The following ZBTB7C variants were observed in gnomAD, a reference collection of about 807,000 sequenced individuals.
ZBTB7C encodes the protein zinc finger and BTB domain containing 7C.
A neutral mutation model predicts 25.7 loss-of-function variants in ZBTB7C; 8 were observed. The observed-to-expected ratio is 0.31, with a 90% CI of 0.18 to 0.56. ZBTB7C has a LOEUF of 0.56. Ranked by LOEUF, ZBTB7C falls within the 20% of genes least tolerant of loss-of-function variation. The pLI is 0.91. For missense variants in ZBTB7C, 824 were observed against 855.2 expected, an observed-to-expected ratio of 0.96 and a Z score of 0.46; for synonymous variants, 394 against 369.0, an observed-to-expected ratio of 1.07 and a Z score of -0.78.
chr18:48,210,822 A>G (rs1488707019), intron 2 of ZBTB7C, among the ~76,000 whole-genome samples: 1 of 152,160 alleles, frequency 6.6e-6, no homozygotes, highest in Admixed American at 6.5e-5. Context: ...TAAATTATAT[A>G]TCAATTAAAC....
chr18:48,158,292 A>C (rs536161451), intron 3 of ZBTB7C, among the ~76,000 whole-genome samples: 4 of 152,176 alleles, frequency 2.6e-5, no homozygotes, highest in Non-Finnish European at 5.9e-5. Flanking sequence ...GATGTCAGGG[A>C]AACAAGTTAC....
At chr18:48,333,015 T>C (rs1447130196) in intron 2 of ZBTB7C, among the ~76,000 whole-genome samples, 1 of 152,200 alleles carries the variant, frequency 6.6e-6, no homozygotes, top group African/African-American at 2.4e-5. Flanking sequence ...TAGAATTGAT[T>C]GTGGTTTTCA....
At chr18:48,336,318 C>G (rs765691500) in intron 2 of ZBTB7C, among the ~76,000 whole-genome samples, 13 of 152,198 alleles carry the variant, frequency 8.5e-5, no homozygotes, top group Non-Finnish European at 1.6e-4. Context: ...CTGGCTCTCA[C>G]CCCCCACCAG....
chr18:48,310,700 C>T (rs1367161822), intron 2 of ZBTB7C, among the ~76,000 whole-genome samples: 1 of 152,222 alleles, frequency 6.6e-6, no homozygotes, highest in African/African-American at 2.4e-5. Context: ...AGTGCATCTG[C>T]CTCAAAGCTC....
At chr18:48,380,342 T>C (rs2047607545) in intron 1 of ZBTB7C, among the ~76,000 whole-genome samples, 1 of 152,084 alleles carries the variant, frequency 6.6e-6, no homozygotes, top group Non-Finnish European at 1.5e-5. Context: ...ATTAAATAAA[T>C]GGATGGCAGA....
At chr18:48,332,590 T>C (rs1311695806) in intron 2 of ZBTB7C, among the ~76,000 whole-genome samples, 1 of 151,980 alleles carries the variant, frequency 6.6e-6, no homozygotes, top group African/African-American at 2.4e-5. Context: ...TCATGGAAGA[T>C]GCTCTCCTAC....
intron 3 of ZBTB7C, among the ~76,000 whole-genome samples, chr18:48,133,167 G>C (rs577030155): frequency 4.3e-4 from 66 of 152,306 alleles, no homozygotes; most frequent in African/African-American, 1.5e-3. Flanking sequence ...TGTGTTCCAT[G>C]CACACACAAG....
intron 3 of ZBTB7C, among the ~76,000 whole-genome samples, chr18:48,095,310 A>T (rs967303050): frequency 6.6e-6 from 1 of 152,192 alleles, no homozygotes; most frequent in African/African-American, 2.4e-5. Context: ...GACCTAAACT[A>T]TCCTTCAAGC....
intron 3 of ZBTB7C, among the ~76,000 whole-genome samples, chr18:48,129,705 A>G (rs551353254): frequency 1.3e-5 from 2 of 152,326 alleles, no homozygotes; most frequent in South Asian, 4.1e-4. Context: ...CCTGGCCTCA[A>G]GTTTCCTCAC....
At chr18:48,153,818 G>A (rs1274637914) in intron 3 of ZBTB7C, among the ~76,000 whole-genome samples, 8 of 152,298 alleles carry the variant, frequency 5.3e-5, no homozygotes. Flanking sequence ...TGACAGGTTC[G>A]AGTAAATATG....
chr18:48,327,221 G>A (rs542454689), intron 2 of ZBTB7C, among the ~76,000 whole-genome samples: 4 of 152,224 alleles, frequency 2.6e-5, no homozygotes, highest in Admixed American at 1.3e-4. Context: ...AGTTCCACTC[G>A]AGGCCTGCCC....
At chr18:48,085,992 G>T (rs1311399407) in intron 3 of ZBTB7C, among the ~76,000 whole-genome samples, 2 of 152,200 alleles carry the variant, frequency 1.3e-5, no homozygotes, top group Non-Finnish European at 2.9e-5. Context: ...CTCTCCCTGA[G>T]CTGGCTTACT....
At position 48,040,119 on chromosome 18, in the gene ZBTB7C, T is replaced by C; in HGVS notation, c.989A>G (p.Asp330Gly). ...CAGGAAGTTGAGATAGGCACCGTAG[T>C]CGTTCTCCGCCTTGATGGGTCCCAG... ...GPLGPIKAEN[D>G]YGAYLNFLSA... Residue 330 changes from aspartate to glycine, a missense_variant, in exon 4 of 5, where the codon GAC becomes GGC. Around this residue, in one of 4 missense-constraint regions of ZBTB7C, gnomAD observed 316 missense variants for 299.2 expected, o/e 1.06. Coordinates refer to ENST00000590800, the MANE Select transcript of ZBTB7C (RefSeq NM_001318841.2). 1 of 1,598,988 alleles carries C rather than the reference T, an allele frequency of 6.3e-7. No homozygotes were observed. The highest frequency in any genetic ancestry group is 8.5e-7 in the Non-Finnish European group (1 of 1,172,552).
chr18:48,244,960 A>G (rs2043632609), intron 2 of ZBTB7C, among the ~76,000 whole-genome samples: 2 of 152,012 alleles, frequency 1.3e-5, no homozygotes, highest in African/African-American at 4.8e-5. Context: ...ACTCAGAGGA[A>G]AAGAAGTCAT....
At chr18:48,292,071 G>A (rs1257506415) in intron 2 of ZBTB7C, among the ~76,000 whole-genome samples, 13 of 152,020 alleles carry the variant, frequency 8.6e-5, no homozygotes, top group Admixed American at 1.3e-4. Flanking sequence ...GGTGGTGGGT[G>A]CCTGTAATTC....
intron 3 of ZBTB7C, among the ~76,000 whole-genome samples, chr18:48,128,992 G>C (rs1200285428): frequency 6.6e-6 from 1 of 152,080 alleles, no homozygotes; most frequent in Non-Finnish European, 1.5e-5. Context: ...CAAAGAACTG[G>C]ATTTTCCTAA....
intron 3 of ZBTB7C, among the ~76,000 whole-genome samples, chr18:48,087,227 T>C (rs1476929473): frequency 6.6e-6 from 1 of 152,222 alleles, no homozygotes; most frequent in Non-Finnish European, 1.5e-5. Flanking sequence ...AAGGAGGGCA[T>C]CTGAATTCTA....
intron 2 of ZBTB7C, among the ~76,000 whole-genome samples, chr18:48,277,387 C>T (rs1432069189): frequency 6.6e-6 from 1 of 151,580 alleles, no homozygotes; most frequent in Non-Finnish European, 1.5e-5. Flanking sequence ...CCAAAAAACA[C>T]ATGAAAAAAT....
At chr18:48,347,031 C>T (rs2046747137) in intron 1 of ZBTB7C, among the ~76,000 whole-genome samples, 1 of 152,152 alleles carries the variant, frequency 6.6e-6, no homozygotes, top group African/African-American at 2.4e-5. Flanking sequence ...GATCCACAAG[C>T]CTCAGCCTCC....
Sources: gnomAD v4.1 joint callset for allele counts (sites outside exome capture counted in the v4.1 genomes callset) on GRCh38, gnomAD v4.1.1 for gene constraint, gnomAD v4.1.1 regional missense constraint, MANE v1.5 for transcripts, NCBI Gene and HGNC (gene_info 2026-07-23, HGNC 2026-07-21) for gene names.